PIP5K1B: variants seen among roughly 807,000 people sequenced by gnomAD.
The protein encoded by PIP5K1B is phosphatidylinositol 4-phosphate 5-kinase type-1 beta.
PIP5K1B carries 42 observed loss-of-function variants against 67.0 expected under a neutral mutation model. The ratio of observed to expected loss-of-function variants is 0.63; its 90% CI spans 0.49 to 0.81. The LOEUF (loss-of-function observed/expected upper bound fraction) is 0.81, where lower values mean the gene tolerates loss of function less well. PIP5K1B is among the 30% of genes least tolerant of loss of function. PIP5K1B has a pLI of 0.00. For synonymous variants in PIP5K1B, 214 were observed against 231.4 expected (o/e 0.92, Z 0.68); for missense variants, 459 against 646.3 (o/e 0.71, Z 3.14).
chr9:68,935,795 G>T (rs76090020), intron 13 of PIP5K1B: 1 of 152,080 alleles, frequency 6.6e-6, no homozygotes, highest in Non-Finnish European at 1.5e-5. Context: ...TACTCAGGAG[G>T]TACTACACGT....
chr9:68,807,646 A>G (rs1475092719), intron 2 of PIP5K1B, among the ~76,000 whole-genome samples: 1 of 152,220 alleles, frequency 6.6e-6, no homozygotes, highest in East Asian at 1.9e-4. Context: ...AACAAAGGCA[A>G]ACAGACTTGT....
chr9:68,767,020 A>G (rs1830461604), intron 2 of PIP5K1B, among the ~76,000 whole-genome samples: 1 of 152,234 alleles, frequency 6.6e-6, no homozygotes, highest in South Asian at 2.1e-4. Flanking sequence ...GGATATTGAT[A>G]TTAAGTAGGG....
chr9:68,716,656 T>C (rs1438579656), intron 1 of PIP5K1B, among the ~76,000 whole-genome samples: 2 of 152,210 alleles, frequency 1.3e-5, no homozygotes, highest in Non-Finnish European at 2.9e-5. Flanking sequence ...GTTCAGCCAC[T>C]GTGGAAAACA....
At chr9:68,829,864 G>A (rs1164820478) in intron 4 of PIP5K1B, among the ~76,000 whole-genome samples, 1 of 152,170 alleles carries the variant, frequency 6.6e-6, no homozygotes, top group Non-Finnish European at 1.5e-5. Flanking sequence ...CTGTTTTGAT[G>A]AGCAAGAATG....
chr9:68,949,772 C>T (rs925252592), intron 14 of PIP5K1B, among the ~76,000 whole-genome samples: 15 of 152,194 alleles, frequency 9.9e-5, no homozygotes, highest in African/African-American at 3.4e-4. Context: ...ACTCCAGCGC[C>T]GACACGTGGT....
At chr9:68,986,095 C>G (rs1354486995) in intron 14 of PIP5K1B, among the ~76,000 whole-genome samples, 1 of 152,186 alleles carries the variant, frequency 6.6e-6, no homozygotes, top group Non-Finnish European at 1.5e-5. Context: ...GACAAGTTTT[C>G]ATTTTTCTTG....
intron 8 of PIP5K1B, among the ~76,000 whole-genome samples, chr9:68,901,179 A>T (rs1825334320): frequency 6.6e-6 from 1 of 152,164 alleles, no homozygotes; most frequent in Non-Finnish European, 1.5e-5. Flanking sequence ...AAGGAATTCG[A>T]TTTTGTTTTT....
intron 14 of PIP5K1B, among the ~76,000 whole-genome samples, chr9:68,951,564 G>A (rs572178496): frequency 4.1e-4 from 63 of 152,274 alleles, no homozygotes; most frequent in Non-Finnish European, 6.0e-4. Context: ...GGAACCGGTC[G>A]AGCCTTCGCC....
At chr9:68,828,782 C>G (rs72717955) in intron 4 of PIP5K1B, among the ~76,000 whole-genome samples, 43,323 of 152,020 alleles carry the variant, frequency 0.28, 6,377 homozygotes, top group Middle Eastern at 0.33. Flanking sequence ...TCTGTGTAAA[C>G]CTTTCTATGG....
intron 1 of PIP5K1B, among the ~76,000 whole-genome samples, chr9:68,741,431 G>C (rs142964356): frequency 6.6e-6 from 1 of 152,284 alleles, no homozygotes; most frequent in East Asian, 1.9e-4. Flanking sequence ...TTCCATTCCA[G>C]AGAACAAGCA....
At chr9:68,755,279 T>C (rs1829868669) in intron 2 of PIP5K1B, among the ~76,000 whole-genome samples, 1 of 152,242 alleles carries the variant, frequency 6.6e-6, no homozygotes, top group African/African-American at 2.4e-5. Context: ...CTTTCGTTTT[T>C]ACTACTGATC....
intron 4 of PIP5K1B, among the ~76,000 whole-genome samples, chr9:68,850,138 T>C (rs932495365): frequency 1.3e-5 from 2 of 152,196 alleles, no homozygotes; most frequent in African/African-American, 4.8e-5. Context: ...TCTCAATGTA[T>C]AGCTAACAAA....
intron 2 of PIP5K1B, among the ~76,000 whole-genome samples, chr9:68,755,308 C>G (rs1829869383): frequency 6.6e-6 from 1 of 152,204 alleles, no homozygotes. Context: ...TGGATAGCAC[C>G]ATGGCACCTT....
intron 4 of PIP5K1B, among the ~76,000 whole-genome samples, chr9:68,860,328 T>C (rs1822996591): frequency 6.6e-6 from 1 of 152,066 alleles, no homozygotes; most frequent in Non-Finnish European, 1.5e-5. Context: ...TACACAGACC[T>C]GGGGAGGAGG....
chr9:68,778,808 C>G (rs953253467), intron 2 of PIP5K1B, among the ~76,000 whole-genome samples: 1 of 152,218 alleles, frequency 6.6e-6, no homozygotes, highest in Non-Finnish European at 1.5e-5. Context: ...CGCTCTTATG[C>G]TTCAGCGGCA....
chr9:68,803,421 C>G (rs1012757182), intron 2 of PIP5K1B, among the ~76,000 whole-genome samples: 1 of 152,114 alleles, frequency 6.6e-6, no homozygotes, highest in Non-Finnish European at 1.5e-5. Flanking sequence ...CCATGAGGAA[C>G]AGGAACATTT....
intron 2 of PIP5K1B, among the ~76,000 whole-genome samples, chr9:68,764,410 A>G (rs1587407678): frequency 6.6e-6 from 1 of 152,076 alleles, no homozygotes; most frequent in South Asian, 2.1e-4. Flanking sequence ...CATCTCTAAC[A>G]TTAGATTTTG....
At chr9:68,895,554 G>A (rs902140949) in intron 8 of PIP5K1B, among the ~76,000 whole-genome samples, 1 of 151,878 alleles carries the variant, frequency 6.6e-6, no homozygotes, top group Non-Finnish European at 1.5e-5. Flanking sequence ...GTGAAGGTGA[G>A]GAAGACAGTC....
At chr9:68,917,288 T>G (rs1826150017) in intron 8 of PIP5K1B, among the ~76,000 whole-genome samples, 1 of 152,234 alleles carries the variant, frequency 6.6e-6, no homozygotes, top group African/African-American at 2.4e-5. Context: ...TTAGTGAAAC[T>G]TTCATGGAGG....
Sources: allele counts gnomAD v4.1 joint callset (sites outside exome capture counted in the v4.1 genomes callset), GRCh38; gene constraint gnomAD v4.1.1; transcripts MANE v1.5; gene names NCBI Gene and HGNC (gene_info 2026-07-23, HGNC 2026-07-21).